RPH3A: variants seen among roughly 807,000 people sequenced by gnomAD.
RPH3A encodes the protein rabphilin-3A.
A neutral mutation model predicts 102.2 loss-of-function variants in RPH3A; 48 were observed. That is an observed-to-expected ratio of 0.47 (90% confidence interval 0.37 to 0.60). The LOEUF (loss-of-function observed/expected upper bound fraction) is 0.60, where lower values mean the gene tolerates loss of function less well. Among genes scored for constraint, RPH3A ranks in the 20% least tolerant of loss-of-function variants. The pLI is 0.00. For missense variants in RPH3A, 781 were observed against 910.1 expected, an observed-to-expected ratio of 0.86 and a Z score of 1.83; for synonymous variants, 310 against 324.3, an observed-to-expected ratio of 0.96 and a Z score of 0.47.
At chr12:112,580,630 T>C (rs1464233940) in intron 1 of RPH3A, among the ~76,000 whole-genome samples, 2 of 151,928 alleles carry the variant, frequency 1.3e-5, no homozygotes, top group African/African-American at 4.8e-5. Flanking sequence ...ATGGTCTCGA[T>C]CTCCTGACCT....
At chr12:112,889,955 T>G in intron 17 of RPH3A, 69 bp from the exon 18 acceptor site, 1 of 1,434,120 alleles carries the variant, frequency 7.0e-7, no homozygotes, top group Non-Finnish European at 9.8e-7. Flanking sequence ...GAGGGGTTTC[T>G]GGTCCTTCTT....
intron 1 of RPH3A, among the ~76,000 whole-genome samples, chr12:112,579,195 A>G (rs1334511844): frequency 6.6e-6 from 1 of 152,144 alleles, no homozygotes; most frequent in Non-Finnish European, 1.5e-5. Flanking sequence ...TGGATTTACC[A>G]CTGTCAAATA....
chr12:112,865,358 T>C (rs1335827104), intron 5 of RPH3A, 56 bp from the exon 6 acceptor site: 1 of 1,594,110 alleles, frequency 6.3e-7, no homozygotes, highest in African/African-American at 1.3e-5. Flanking sequence ...CACTGTGGGG[T>C]ATGCTGGTGG....
chr12:112,776,910 A>T (rs7133824), intron 1 of RPH3A, among the ~76,000 whole-genome samples: 2 of 112,414 alleles, frequency 1.8e-5, no homozygotes, highest in South Asian at 2.9e-4. Flanking sequence ...AAAAAAAAAA[A>T]AGAAAGTGCA....
chr12:112,840,276 G>A (rs7315734), intron 4 of RPH3A, among the ~76,000 whole-genome samples: 68,278 of 151,790 alleles, frequency 0.45, 15,631 homozygotes, highest in Admixed American at 0.53. Context: ...ATCAAATCAG[G>A]GTAATAGAAA....
At chr12:112,748,375 C>A (rs2040762573) in intron 1 of RPH3A, among the ~76,000 whole-genome samples, 2 of 152,122 alleles carry the variant, frequency 1.3e-5, no homozygotes, top group African/African-American at 4.8e-5. Context: ...ACTCTCTTGC[C>A]CAGGTGGAAG....
chr12:112,754,889 A>G (rs2040811512), intron 1 of RPH3A, among the ~76,000 whole-genome samples: 2 of 152,242 alleles, frequency 1.3e-5, no homozygotes, highest in South Asian at 4.1e-4. Context: ...TCTGCTTCAA[A>G]CTAATTACAT....
rs368582520 is a variant in RPH3A, at chr12:112,839,327, A to T, written c.83+2825A>T. Among the ~76,000 whole-genome samples, 208 of 151,540 alleles carry T rather than the reference A, an allele frequency of 1.4e-3. 8 individuals carry two copies. In the South Asian group the frequency reaches 0.036, roughly 26 times the overall value. ...ACTCTTTTTTTTCTTTTTTTTTGCC[A>T]TGGTGAATAATGTATCAACTTTCGC... On this transcript the variant is annotated intron_variant, in intron 4 of 21. Transcript: ENST00000389385.
intron 2 of RPH3A, among the ~76,000 whole-genome samples, chr12:112,826,039 T>A (rs1431648636): frequency 6.6e-6 from 1 of 152,222 alleles, no homozygotes; most frequent in Admixed American, 6.5e-5. Context: ...CATCAGCTCA[T>A]CACCTAGGTA....
intron 16 of RPH3A, among the ~76,000 whole-genome samples, chr12:112,886,297 C>T (rs2043001456): frequency 6.6e-6 from 1 of 152,108 alleles, no homozygotes; most frequent in Non-Finnish European, 1.5e-5. Flanking sequence ...AGTTCCCAAT[C>T]TTTCTGGCAC....
chr12:112,731,719 A>G (rs1198729397), intron 1 of RPH3A, among the ~76,000 whole-genome samples: 1 of 151,964 alleles, frequency 6.6e-6, no homozygotes, highest in Non-Finnish European at 1.5e-5. Context: ...CATTTGGGGG[A>G]TTTTTCCCTT....
intron 5 of RPH3A, among the ~76,000 whole-genome samples, chr12:112,849,723 G>T (rs921090796): frequency 6.6e-6 from 1 of 152,156 alleles, no homozygotes; most frequent in Non-Finnish European, 1.5e-5. Context: ...CAAAATATTT[G>T]TTGAGTGAAT....
chr12:112,744,593 G>A (rs767144259), intron 1 of RPH3A, among the ~76,000 whole-genome samples: 21 of 152,158 alleles, frequency 1.4e-4, no homozygotes, highest in Non-Finnish European at 2.6e-4. Flanking sequence ...ATTTGTGTGT[G>A]CCAGAGACTA....
intron 4 of RPH3A, 86 bp from the exon 5 acceptor site, chr12:112,847,608 CCA>C (rs1183634378): frequency 2.1e-6 from 3 of 1,412,210 alleles, no homozygotes; most frequent in African/African-American, 1.4e-5. Flanking sequence ...ATCCTTTTGT[CCA>C]CAGTTTCCCA....
chr12:112,678,277 GAAAGAAAGAAAGAA>G (rs2040197445), intron 1 of RPH3A, among the ~76,000 whole-genome samples: 6 of 76,392 alleles, frequency 7.9e-5, no homozygotes, highest in East Asian at 4.2e-4. Flanking sequence ...AAGAAAGAAA[GAAAGAAAGAAAGAA>G]AGAAAGAAAG....
intron 5 of RPH3A, among the ~76,000 whole-genome samples, chr12:112,862,245 C>A (rs577246833): frequency 3.4e-4 from 50 of 148,446 alleles, no homozygotes; most frequent in African/African-American, 1.2e-3. Context: ...GTCCCCCCCC[C>A]AAAAAAAAAG....
chr12:112,652,040 A>G (rs1342079572), intron 1 of RPH3A, among the ~76,000 whole-genome samples: 1 of 152,238 alleles, frequency 6.6e-6, no homozygotes, highest in Non-Finnish European at 1.5e-5. Flanking sequence ...GGCTATTGTG[A>G]ATAGTACTGC....
At chr12:112,738,615 C>A (rs2040685579) in intron 1 of RPH3A, among the ~76,000 whole-genome samples, 1 of 152,044 alleles carries the variant, frequency 6.6e-6, no homozygotes, top group Non-Finnish European at 1.5e-5. Context: ...CGGGAAGGGT[C>A]CCCTGGAAGG....
In RPH3A at chr12:112,791,905, A is replaced by AGAGAGAGAGAGAGAGAGAGAGAGC. The variant is rs2041124224; in HGVS notation, c.-247_-246insGAGAGAGAGAGAGAGAGAGAGAGC. 1 of 148,980 alleles carries AGAGAGAGAGAGAGAGAGAGAGAGC rather than the reference A, an allele frequency of 6.7e-6. No homozygotes were observed. The highest frequency in any genetic ancestry group is 2.5e-5 in the African/African-American group (1 of 40,442). The allele number at this position is 148,980 out of a possible 1,614,324, so 9.2% of individuals were successfully genotyped here. On this transcript the variant is annotated 5_prime_UTR_variant, in exon 1 of 22. Transcript: ENST00000389385. ...GAGAGAGAGAGAGAGAGAGAGAGAG[A>AGAGAGAGAGAGAGAGAGAGAGAGC]CTCACAGAGCTAAAACCTTCATCCA...
Sources: gnomAD v4.1 joint callset for allele counts (sites outside exome capture counted in the v4.1 genomes callset) on GRCh38, gnomAD v4.1.1 for gene constraint, MANE v1.5 for transcripts, NCBI Gene and HGNC (gene_info 2026-07-23, HGNC 2026-07-21) for gene names.